The following DLGAP1 variants were observed in gnomAD, a reference collection of about 807,000 sequenced individuals.
The protein encoded by DLGAP1 is disks large-associated protein 1.
Under a neutral mutation model 90.8 loss-of-function variants are expected in DLGAP1, and 11 were observed. That is an observed-to-expected ratio of 0.12 (90% CI 0.08 to 0.20). The LOEUF (loss-of-function observed/expected upper bound fraction) is 0.20, where lower values mean the gene tolerates loss of function less well. DLGAP1 is among the 10% of genes least tolerant of loss of function. The probability of loss-of-function intolerance (pLI) is 1.00; values close to 1 mark genes in which losing one functional copy is unlikely to be tolerated. For synonymous variants in DLGAP1, 558 were observed against 540.7 expected (o/e 1.03, Z -0.44); for missense variants, 1,050 against 1,333.8 (o/e 0.79, Z 3.31).
At chr18:4,184,055 C>T (rs2077250452) in intron 1 of DLGAP1, among the ~76,000 whole-genome samples, 1 of 152,100 alleles carries the variant, frequency 6.6e-6, no homozygotes, top group Non-Finnish European at 1.5e-5. Flanking sequence ...CAAATCTGTA[C>T]TGCAGAAAGA....
chr18:3,773,452 C>T (rs1227972955), intron 5 of DLGAP1, among the ~76,000 whole-genome samples: 2 of 152,144 alleles, frequency 1.3e-5, no homozygotes, highest in Non-Finnish European at 2.9e-5. Flanking sequence ...ACAGTACCCT[C>T]TAGGAACAAA....
At chr18:4,126,233 C>G (rs140194487) in intron 2 of DLGAP1, among the ~76,000 whole-genome samples, 1 of 152,220 alleles carries the variant, frequency 6.6e-6, no homozygotes, top group East Asian at 1.9e-4. Flanking sequence ...TATAGCAGAC[C>G]TCTCTATATT....
chr18:4,389,731 C>T (rs775404858), intron 1 of DLGAP1, among the ~76,000 whole-genome samples: 17 of 152,260 alleles, frequency 1.1e-4, no homozygotes, highest in Non-Finnish European at 1.6e-4. Context: ...ACCCATTATA[C>T]GCAAATTGAT....
At chr18:4,440,566 G>T (rs1279327240) in intron 1 of DLGAP1, among the ~76,000 whole-genome samples, 2 of 152,022 alleles carry the variant, frequency 1.3e-5, no homozygotes, top group Admixed American at 1.3e-4. Flanking sequence ...ATTCAAATTT[G>T]GGGGGAGGTC....
At chr18:3,810,550 G>A (rs1321207655) in intron 5 of DLGAP1, among the ~76,000 whole-genome samples, 2 of 152,000 alleles carry the variant, frequency 1.3e-5, no homozygotes, top group Non-Finnish European at 2.9e-5. Context: ...AAAAAAAATC[G>A]ACTTAAATGT....
At chr18:3,772,129 CTTTTCT>C (rs2064592791) in intron 5 of DLGAP1, among the ~76,000 whole-genome samples, 9 of 150,286 alleles carry the variant, frequency 6.0e-5, no homozygotes, top group Admixed American at 6.0e-4. Context: ...TCTTTCTTTT[CTTTTCT>C]TTCTCTCCTT....
At chr18:4,145,691 T>C (rs2076574669) in intron 2 of DLGAP1, among the ~76,000 whole-genome samples, 2 of 152,212 alleles carry the variant, frequency 1.3e-5, no homozygotes, top group Non-Finnish European at 2.9e-5. Context: ...ATCTGGCAAA[T>C]TGGCTATGAA....
intron 2 of DLGAP1, among the ~76,000 whole-genome samples, chr18:4,125,627 TAAAAC>T (rs2076220981): frequency 6.7e-6 from 1 of 149,172 alleles, no homozygotes; most frequent in Non-Finnish European, 1.5e-5. Context: ...GCTGTGCACT[TAAAAC>T]AAACAAACAA....
intron 1 of DLGAP1, among the ~76,000 whole-genome samples, chr18:4,359,906 C>T (rs2081596743): frequency 6.6e-6 from 1 of 152,104 alleles, no homozygotes; most frequent in Non-Finnish European, 1.5e-5. Context: ...TACATGCAAA[C>T]AAACAGGTCA....
chr18:3,633,013 C>T (rs1447766231), intron 7 of DLGAP1, among the ~76,000 whole-genome samples: 1 of 152,008 alleles, frequency 6.6e-6, no homozygotes, highest in African/African-American at 2.4e-5. Context: ...TTTGGGGTGC[C>T]AGGTTTATGG....
rs117265573 is a variant in DLGAP1 at position 4,018,280 on chromosome 18, G to C, written c.-158-13079C>G. 3.1e-3 allele frequency among the ~76,000 whole-genome samples: 478 copies of C among 152,312 alleles called. 17 individuals are homozygous for C. In the East Asian group the frequency reaches 0.074, roughly 24 times the overall value. ...GGTGGGAGGGGCACGCTGGAGTCCCGAGCTGGGATGCCCTTCAGAACTGGC... is the reference window on the plus strand; with the variant it reads ...GGTGGGAGGGGCACGCTGGAGTCCCCAGCTGGGATGCCCTTCAGAACTGGC... On this transcript the variant is annotated intron_variant, in intron 2 of 12. Transcript: ENST00000315677.
At chr18:4,367,388 T>G (rs1263393576) in intron 1 of DLGAP1, among the ~76,000 whole-genome samples, 2 of 152,088 alleles carry the variant, frequency 1.3e-5, no homozygotes, top group Non-Finnish European at 2.9e-5. Flanking sequence ...TTATCCTGAG[T>G]TGCTTTCACT....
At chr18:3,580,745 T>C (rs2055449781) in intron 8 of DLGAP1, 1 of 1,613,368 alleles carries the variant, frequency 6.2e-7, no homozygotes, top group Non-Finnish European at 8.5e-7. Context: ...CCACGCACCA[T>C]CCCCTCAGGT....
At position 3,985,340 on chromosome 18, in the gene DLGAP1, G is replaced by A. The variant is rs559627051; in HGVS notation, c.-73+19776C>T. Among the ~76,000 whole-genome samples the A allele has an allele frequency of 2.0e-5, 3 of 152,174 alleles. No homozygotes were observed. The South Asian group carries it at 6.2e-4, about 32-fold the overall frequency. ...ATGCTCCAGGCCTGGCTCATACTAAGCTCTGAAAAAATATTGGCTATTAAG... is the reference window on the plus strand; with the variant it reads ...ATGCTCCAGGCCTGGCTCATACTAAACTCTGAAAAAATATTGGCTATTAAG... On this transcript the variant is annotated intron_variant, in intron 3 of 12. Transcript: ENST00000315677.
chr18:3,636,860 G>A (rs2058736852), intron 7 of DLGAP1, among the ~76,000 whole-genome samples: 1 of 150,742 alleles, frequency 6.6e-6, no homozygotes, highest in Non-Finnish European at 1.5e-5. Context: ...AAGCAGCTGG[G>A]ACTACAGGTG....
chr18:3,643,294 T>C (rs2059003607), intron 7 of DLGAP1, among the ~76,000 whole-genome samples: 1 of 151,592 alleles, frequency 6.6e-6, no homozygotes, highest in African/African-American at 2.4e-5. Context: ...AAAAAGTAAA[T>C]CAAAACCAAA....
intron 5 of DLGAP1, among the ~76,000 whole-genome samples, chr18:3,744,374 C>A (rs1210561643): frequency 1.3e-5 from 2 of 151,662 alleles, no homozygotes; most frequent in Non-Finnish European, 2.9e-5. Context: ...ATAAAATACA[C>A]AGAAATTACA....
chr18:3,501,374 T>C (rs1330624541), intron 12 of DLGAP1, among the ~76,000 whole-genome samples: 1 of 152,166 alleles, frequency 6.6e-6, no homozygotes, highest in Non-Finnish European at 1.5e-5. Context: ...GAAAACTAGA[T>C]TGGGTACAAA....
intron 1 of DLGAP1, among the ~76,000 whole-genome samples, chr18:4,233,547 C>G (rs1222496245): frequency 6.6e-6 from 1 of 152,126 alleles, no homozygotes; most frequent in African/African-American, 2.4e-5. Flanking sequence ...TAACCTCGGC[C>G]TGGTTACGAT....
Sources: allele counts gnomAD v4.1 joint callset (sites outside exome capture counted in the v4.1 genomes callset), GRCh38; gene constraint gnomAD v4.1.1; transcripts MANE v1.5; gene names NCBI Gene and HGNC (gene_info 2026-07-23, HGNC 2026-07-21).